The following FBXO38 variants were observed in gnomAD, a reference collection of about 807,000 sequenced individuals.
FBXO38 encodes F-box protein 38.
In FBXO38, 53 loss-of-function variants were observed where a neutral mutation model predicts 131.9. That is an observed-to-expected ratio of 0.40 (90% CI 0.32 to 0.51). The LOEUF (loss-of-function observed/expected upper bound fraction) is 0.51. Ranked by LOEUF, FBXO38 falls within the 20% of genes least tolerant of loss-of-function variation. The pLI is 0.53. For synonymous variants in FBXO38, 452 were observed against 505.6 expected, an observed-to-expected ratio of 0.89 and a Z score of 1.42; for missense variants, 1,076 against 1,475.6, an observed-to-expected ratio of 0.73 and a Z score of 4.44.
intron 9 of FBXO38, among the ~76,000 whole-genome samples, chr5:148,412,437 T>A (rs781421584): frequency 2.0e-5 from 3 of 152,188 alleles, no homozygotes; most frequent in Non-Finnish European, 2.9e-5. Flanking sequence ...TGAGTCACTT[T>A]CTTGTTATAA....
chr5:148,398,978 G>C (rs372293727), intron 2 of FBXO38, 21 bp from the exon 3 acceptor site: 2 of 1,612,240 alleles, frequency 1.2e-6, no homozygotes, highest in Non-Finnish European at 1.7e-6. Flanking sequence ...TGATAAATAC[G>C]AGTTTCTTTC....
In FBXO38 at chr5:148,440,413, G is replaced by A. The variant is rs1457450100; in HGVS notation, c.3171-11G>A. 6.4e-7 allele frequency: 1 copy of A among 1,552,106 alleles called. No homozygotes were observed. The highest frequency in any genetic ancestry group is 1.1e-5 in the South Asian group (1 of 87,732). On this transcript the variant is annotated splice_polypyrimidine_tract_variant and intron_variant, in intron 19 of 21. Coordinates refer to ENST00000340253, the MANE Select transcript of FBXO38 (RefSeq NM_205836.3). ...TTGTAATTTTTACTTAATTTTTCCT[G>A]TTGCTTCCAGAGAGCTCATTAAATA...
chr5:148,404,606 A>G (rs577395265), intron 5 of FBXO38, 79 bp from the exon 6 acceptor site: 1 of 1,210,008 alleles, frequency 8.3e-7, no homozygotes, highest in East Asian at 2.9e-5. Context: ...TGAAAAATAG[A>G]CTCTTGAACT....
chr5:148,411,923 A>G (rs1752782000), intron 9 of FBXO38, among the ~76,000 whole-genome samples: 1 of 152,136 alleles, frequency 6.6e-6, no homozygotes, highest in Non-Finnish European at 1.5e-5. Context: ...TGAAATTGAT[A>G]TTCTTTCTAT....
At chr5:148,404,287 G>A (rs1388442570) in intron 5 of FBXO38, among the ~76,000 whole-genome samples, 3 of 152,162 alleles carry the variant, frequency 2.0e-5, no homozygotes, top group Non-Finnish European at 4.4e-5. Context: ...GTGGATGTTG[G>A]TAGTCAAATA....
chr5:148,388,193 T>G (rs1758017042), intron 1 of FBXO38, among the ~76,000 whole-genome samples: 1 of 152,238 alleles, frequency 6.6e-6, no homozygotes, highest in South Asian at 2.1e-4. Context: ...GCAGTAGATC[T>G]TAGTAGAAGT....
In FBXO38 at chr5:148,409,124, G is replaced by A. The variant is rs762106449; in HGVS notation, c.869G>A (p.Gly290Asp). 1.7e-5 allele frequency: 27 copies of A among 1,599,626 alleles called. No homozygotes were observed. The highest frequency in any genetic ancestry group is 2.3e-5 in the Non-Finnish European group (27 of 1,166,994). Residue 290 changes from glycine to aspartate, a missense_variant and splice_region_variant, in exon 8 of 22, where the codon GGT becomes GAT. Gly to Asp is a moderately conservative substitution (Grantham distance 94). Transcript: ENST00000340253. ...ACTTGTTTTTGTTCCTCGTCTTTAGGTGGTTTTAGAAATTTGCACACTATT... is the reference window on the plus strand; with the variant it reads ...ACTTGTTTTTGTTCCTCGTCTTTAGATGGTTTTAGAAATTTGCACACTATT... Reference protein sequence around the residue: ...QHVVEDSWRSGGFRNLHTIVL... With the variant: ...QHVVEDSWRSDGFRNLHTIVL...
At chr5:148,402,894 C>T (rs913184089) in intron 5 of FBXO38, among the ~76,000 whole-genome samples, 8 of 151,278 alleles carry the variant, frequency 5.3e-5, no homozygotes, top group Admixed American at 1.3e-4. Flanking sequence ...TATATATACA[C>T]ACACATACAC....
intron 12 of FBXO38, among the ~76,000 whole-genome samples, chr5:148,420,270 G>A (rs1387283950): frequency 6.6e-6 from 1 of 151,742 alleles, no homozygotes; most frequent in East Asian, 1.9e-4. Context: ...CTACAAACGC[G>A]TGACACCACT....
chr5:148,409,015 C>A, intron 7 of FBXO38, 109 bp from the exon 8 acceptor site: 1 of 609,588 alleles, frequency 1.6e-6, no homozygotes, highest in Non-Finnish European at 2.9e-6. Context: ...CTTAGATTTA[C>A]TTTTAAATCA....
rs1490195982 is a variant in FBXO38, at chr5:148,425,553, A to C, written c.1770A>C (p.Pro590=). The change falls in exon 14 of 22, where the codon CCA becomes CCC. Residue 590 remains proline (P), a synonymous_variant. Transcript: ENST00000340253. The part of the protein sequence containing the change: ...GPSGLQRVVK[P]TSITVHDSES... ...GTGGTCTTCAGCGTGTAGTAAAACC[A>C]ACCTCAATTACTGTTCATGATTCAG... 5 of 1,613,766 alleles carry C rather than the reference A, an allele frequency of 3.1e-6. No homozygotes were observed. The African/African-American group carries it at 5.3e-5, about 17-fold the overall frequency.
chr5:148,409,065 T>C, intron 7 of FBXO38, 59 bp from the exon 8 acceptor site: 1 of 902,862 alleles, frequency 1.1e-6, no homozygotes, highest in Non-Finnish European at 1.9e-6. Flanking sequence ...ATGTATAGTA[T>C]ATAAATACTT....
At chr5:148,384,126 G>A (rs1757782966) in intron 1 of FBXO38, 87 bp downstream of exon 1, 1 of 152,754 alleles carries the variant, frequency 6.5e-6, no homozygotes. Context: ...TAGCTGGGTG[G>A]GGATTCTGGA....
chr5:148,415,071 C>G (rs1439894561), intron 10 of FBXO38, among the ~76,000 whole-genome samples: 1 of 152,140 alleles, frequency 6.6e-6, no homozygotes, highest in Non-Finnish European at 1.5e-5. Flanking sequence ...GCTGAGATCA[C>G]TCGTTAATAT....
intron 15 of FBXO38, among the ~76,000 whole-genome samples, chr5:148,429,203 T>G (rs1389562330): frequency 6.6e-6 from 1 of 152,212 alleles, no homozygotes; most frequent in Non-Finnish European, 1.5e-5. Context: ...ATGAGTTTAT[T>G]TTTATGCTGC....
At chr5:148,428,868 G>C (rs1753872845) in intron 15 of FBXO38, among the ~76,000 whole-genome samples, 1 of 152,184 alleles carries the variant, frequency 6.6e-6, no homozygotes, top group African/African-American at 2.4e-5. Context: ...AAATATATGA[G>C]TTTTATTTGA....
intron 14 of FBXO38, among the ~76,000 whole-genome samples, chr5:148,426,455 T>G (rs1052955752): frequency 6.6e-6 from 1 of 152,248 alleles, no homozygotes; most frequent in Non-Finnish European, 1.5e-5. Context: ...CATTGACTCA[T>G]TATTCAATTT....
chr5:148,438,470 G>C lies in FBXO38; in HGVS notation c.2996G>C (p.Arg999Pro), dbSNP rs764135152. 1.2e-6 allele frequency: 2 copies of C among 1,613,834 alleles called. No individual in the cohort carries two copies. Among genetic ancestry groups the C allele is most frequent in the Non-Finnish European group, 1.7e-6 (2 of 1,179,808 alleles). ...QILRMPPERNRIIYLRPMQQV... is the reference protein window; with the variant it reads ...QILRMPPERNPIIYLRPMQQV... ...CTAAGAATGCCACCCGAGAGAAACC[G>C]CATCATATACCTACGCCCAATGCAG... is the stretch of plus-strand genomic sequence containing the variant. The change falls in exon 18 of 22, where the codon CGC becomes CCC. Residue 999 changes from arginine to proline, a missense_variant. Physicochemically the swap from Arg to Pro is moderately radical, Grantham distance 103 (BLOSUM62 -2). Coordinates refer to ENST00000340253, the MANE Select transcript of FBXO38 (RefSeq NM_205836.3).
intron 11 of FBXO38, 140 bp from the exon 12 acceptor site, chr5:148,416,854 A>T: frequency 6.5e-6 from 4 of 620,056 alleles, no homozygotes; most frequent in Non-Finnish European, 8.6e-6. Flanking sequence ...GGGATTTTCT[A>T]TGTGTATGTG....
Sources: gnomAD v4.1 joint callset for allele counts (sites outside exome capture counted in the v4.1 genomes callset) on GRCh38, gnomAD v4.1.1 for gene constraint, MANE v1.5 for transcripts, NCBI Gene and HGNC (gene_info 2026-07-23, HGNC 2026-07-21) for gene names.